LRBA: variants seen among roughly 807,000 people sequenced by gnomAD.
LRBA encodes lipopolysaccharide-responsive and beige-like anchor protein.
In LRBA, 176 loss-of-function variants were observed where a neutral mutation model predicts 330.0. The observed-to-expected ratio is 0.53, with a 90% CI of 0.47 to 0.60. The LOEUF (loss-of-function observed/expected upper bound fraction) is 0.60. Among genes scored for constraint, LRBA ranks in the 20% least tolerant of loss-of-function variants. The pLI is 0.00. For missense variants in LRBA, 3,259 were observed against 3,444.8 expected (o/e 0.95, Z 1.35); for synonymous variants, 1,230 against 1,193.0 (o/e 1.03, Z -0.64).
chr4:150,316,451 C>A (rs1302529547), intron 50 of LRBA, among the ~76,000 whole-genome samples: 1 of 152,128 alleles, frequency 6.6e-6, no homozygotes, highest in Non-Finnish European at 1.5e-5. Flanking sequence ...TCAGGAACTA[C>A]CTGATGCAAC....
At chr4:150,335,751 C>T (rs1393022029) in intron 48 of LRBA, among the ~76,000 whole-genome samples, 1 of 152,114 alleles carries the variant, frequency 6.6e-6, no homozygotes, top group Admixed American at 6.5e-5. Flanking sequence ...GGCTGGAGTG[C>T]AGTGATATGA....
At position 150,852,365 on chromosome 4, in the gene LRBA, T is replaced by C; in HGVS notation, c.3345A>G (p.Val1115=). ...TAGCTTCCTCAGTAGGACTGCCTTC[T>C]ACTTTCAGTTCCACATAATCATCAT... ...EEDDDYVELK[V]EGSPTEEANL... is the part of the protein sequence containing the mutation. The change falls in exon 23 of 57, where the codon GTA becomes GTG. Residue 1115 remains valine, a synonymous_variant. Coordinates refer to ENST00000651943, the MANE Select transcript of LRBA (RefSeq NM_001364905.1). 1.2e-6 allele frequency: 2 copies of C among 1,613,820 alleles called. No homozygotes were observed. Among genetic ancestry groups the C allele is most frequent in the Non-Finnish European group, 1.7e-6 (2 of 1,179,968 alleles).
chr4:150,675,403 G>A (rs908785659), intron 37 of LRBA, among the ~76,000 whole-genome samples: 2 of 152,008 alleles, frequency 1.3e-5, no homozygotes, highest in Admixed American at 6.6e-5. Flanking sequence ...TTTAAGATAC[G>A]ATGAGATAAT....
intron 52 of LRBA, among the ~76,000 whole-genome samples, chr4:150,304,153 T>G (rs1730058622): frequency 6.6e-6 from 1 of 152,120 alleles, no homozygotes; most frequent in African/African-American, 2.4e-5. Context: ...AAGCTGAAAA[T>G]TAAATTAATA....
intron 36 of LRBA, among the ~76,000 whole-genome samples, chr4:150,685,180 A>G: frequency 6.6e-6 from 1 of 151,086 alleles, no homozygotes. Flanking sequence ...AACAGAGCTC[A>G]CTCCAGAATC....
intron 40 of LRBA, among the ~76,000 whole-genome samples, chr4:150,495,333 C>T (rs901182214): frequency 4.6e-5 from 7 of 152,058 alleles, no homozygotes; most frequent in African/African-American, 1.7e-4. Flanking sequence ...TAATGATATG[C>T]TTTTCAAGTT....
At chr4:150,876,197 GA>G (rs1474198388) in intron 17 of LRBA, among the ~76,000 whole-genome samples, 1 of 151,884 alleles carries the variant, frequency 6.6e-6, no homozygotes, top group African/African-American at 2.4e-5. Context: ...GTTGAAAAAT[GA>G]AAAAAAGTCT....
chr4:150,686,779 A>G (rs1373650351), intron 36 of LRBA, among the ~76,000 whole-genome samples: 1 of 152,182 alleles, frequency 6.6e-6, no homozygotes, highest in Non-Finnish European at 1.5e-5. Flanking sequence ...CATTAAAAGT[A>G]ACCAAAAACA....
intron 37 of LRBA, among the ~76,000 whole-genome samples, chr4:150,639,791 G>T (rs994365367): frequency 1.8e-4 from 1 of 5,654 alleles, no homozygotes; most frequent in East Asian, 0.014. Context: ...ATGTGTGTGT[G>T]TATATATATA....
chr4:150,510,089 G>A (rs1424295174), intron 40 of LRBA, among the ~76,000 whole-genome samples: 2 of 151,986 alleles, frequency 1.3e-5, no homozygotes, highest in African/African-American at 4.8e-5. Flanking sequence ...GCAGTGAGCC[G>A]AGATCACGCC....
At chr4:150,858,788 A>G (rs1751532993) in intron 22 of LRBA, among the ~76,000 whole-genome samples, 1 of 152,116 alleles carries the variant, frequency 6.6e-6, no homozygotes, top group Non-Finnish European at 1.5e-5. Flanking sequence ...CAGCCTCCCA[A>G]AGTGCTGGGA....
intron 35 of LRBA, among the ~76,000 whole-genome samples, chr4:150,756,194 C>T (rs1344783407): frequency 6.6e-6 from 1 of 152,036 alleles, no homozygotes; most frequent in Non-Finnish European, 1.5e-5. Context: ...CAGGAGACCA[C>T]CAACAAATCA....
At chr4:150,523,338 C>T (rs1256022501) in intron 40 of LRBA, among the ~76,000 whole-genome samples, 3 of 151,976 alleles carry the variant, frequency 2.0e-5, no homozygotes, top group African/African-American at 7.3e-5. Flanking sequence ...GGATGGATAA[C>T]TTTATAAAAG....
intron 38 of LRBA, 104 bp from the exon 39 acceptor site, chr4:150,590,963 TTTATACACAG>T (rs1443375358): frequency 1.1e-6 from 1 of 942,118 alleles, no homozygotes; most frequent in East Asian, 2.5e-5. Context: ...TGGTCAATCT[TTTATACACAG>T]TGTCAGCTAC....
chr4:150,685,582 C>T (rs918882272), intron 36 of LRBA, among the ~76,000 whole-genome samples: 5 of 149,682 alleles, frequency 3.3e-5, no homozygotes, highest in South Asian at 2.1e-4. Flanking sequence ...TACAGGTGCA[C>T]GCCACCACAC....
Position 150,915,596 on chromosome 4 carries a change from G to C in LRBA, c.1014+12C>G. On this transcript the variant is annotated intron_variant, in intron 8 of 56. Coordinates refer to ENST00000651943, the MANE Select transcript of LRBA (RefSeq NM_001364905.1). ...ATCACTTTTTTCATTGCAACATTTT[G>C]AAACTACTTACATCGCTAGTGTTGA... The C allele has an allele frequency of 6.3e-7, 1 of 1,591,490 alleles. No homozygotes were observed. Among genetic ancestry groups the C allele is most frequent in the Non-Finnish European group, 8.5e-7 (1 of 1,172,428 alleles).
At chr4:150,821,280 C>A (rs1232420890) in intron 30 of LRBA, among the ~76,000 whole-genome samples, 2 of 152,018 alleles carry the variant, frequency 1.3e-5, no homozygotes, top group East Asian at 1.9e-4. Flanking sequence ...AAAAATTGTT[C>A]TTATTATCAT....
At chr4:150,599,928 A>G (rs1773945385) in intron 37 of LRBA, among the ~76,000 whole-genome samples, 1 of 152,170 alleles carries the variant, frequency 6.6e-6, no homozygotes, top group East Asian at 1.9e-4. Context: ...TACATGCTAT[A>G]TGATGTGCAA....
chr4:150,894,453 A>T lies in LRBA; in HGVS notation c.2068-1304T>A, dbSNP rs1579121249. Among the ~76,000 whole-genome samples, 8 of 152,132 alleles carry T rather than the reference A, an allele frequency of 5.3e-5. No individual in the cohort carries two copies. In the East Asian group the frequency reaches 1.5e-3, roughly 29 times the overall value. On this transcript the variant is annotated intron_variant, in intron 16 of 56. Transcript: ENST00000651943. ...TACCAGCACAAGAAACGAGTTCTAG[A>T]CCCCCAAAAAAACTTCATGAAAATC...
Sources: allele counts gnomAD v4.1 joint callset (sites outside exome capture counted in the v4.1 genomes callset), GRCh38; gene constraint gnomAD v4.1.1; transcripts MANE v1.5; gene names NCBI Gene and HGNC (gene_info 2026-07-23, HGNC 2026-07-21).